Variants in PTPN21 observed in about 807,000 individuals in gnomAD.
PTPN21 encodes the protein tyrosine-protein phosphatase non-receptor type 21.
PTPN21 carries 77 observed loss-of-function variants against 131.8 expected under a neutral mutation model. That is an observed-to-expected ratio of 0.58 (90% CI 0.49 to 0.71). The LOEUF is 0.71. PTPN21 is among the 30% of genes least tolerant of loss of function. The probability of loss-of-function intolerance (pLI) is 0.00; values close to 1 mark genes in which losing one functional copy is unlikely to be tolerated. For missense variants in PTPN21, 1,552 were observed against 1,527.1 expected (o/e 1.02, Z -0.27); for synonymous variants, 715 against 621.3 (o/e 1.15, Z -2.24).
rs1355540333 is a variant in PTPN21, at chr14:88,469,245, C to T, written c.3236-169G>A. ...GGACAGTGTGACCCTGAGCAAGTCA[C>T]TACCTCTGTCCACTTTCTGATCTAC... On this transcript the variant is annotated intron_variant, in intron 17 of 18. Transcript: ENST00000556564. This position sits in a 1 kb window ranked among gnomAD's most constrained non-coding sequence, Gnocchi z 4.3. Among the ~76,000 whole-genome samples the T allele has an allele frequency of 6.6e-6, 1 of 152,178 alleles. No individual in the cohort carries two copies. Among genetic ancestry groups the T allele is most frequent in the Non-Finnish European group, 1.5e-5 (1 of 68,038 alleles).
chr14:88,477,164 TGTGTCC>T (rs150531683), intron 13 of PTPN21, among the ~76,000 whole-genome samples: 5,619 of 152,278 alleles, frequency 0.037, 347 homozygotes, highest in African/African-American at 0.13. Context: ...CTCTTAAATC[TGTGTCC>T]ACTGAAGGCA....
chr14:88,502,719 A>G (rs2078028765), intron 6 of PTPN21, among the ~76,000 whole-genome samples: 1 of 152,208 alleles, frequency 6.6e-6, no homozygotes, highest in South Asian at 2.1e-4. Flanking sequence ...TAGAAAAGAA[A>G]TGGTTCATGT....
chr14:88,477,240 C>T (rs2077559293), intron 13 of PTPN21, among the ~76,000 whole-genome samples: 1 of 150,520 alleles, frequency 6.6e-6, no homozygotes, highest in Non-Finnish European at 1.5e-5. Context: ...ATTTAAAAAT[C>T]AACTTAAAAT....
At chr14:88,500,369 G>GC (rs1189685377) in intron 8 of PTPN21, among the ~76,000 whole-genome samples, 1 of 152,218 alleles carries the variant, frequency 6.6e-6, no homozygotes, top group Non-Finnish European at 1.5e-5. Context: ...GGTCAAGGCT[G>GC]CAGTGAGTGG....
intron 12 of PTPN21, among the ~76,000 whole-genome samples, chr14:88,480,656 A>C (rs114832994): frequency 6.6e-6 from 1 of 152,154 alleles, no homozygotes; most frequent in Non-Finnish European, 1.5e-5. Flanking sequence ...GGGGAAGTTG[A>C]GGCAGAGATA....
At chr14:88,515,449 G>T (rs2078254187) in intron 3 of PTPN21, 2 of 152,034 alleles carry the variant, frequency 1.3e-5, no homozygotes, top group African/African-American at 2.4e-5. Context: ...GGTGATCTTT[G>T]TGAAATGTAA....
At position 88,480,190 on chromosome 14, in the gene PTPN21, G is replaced by C. The variant is rs368027125; in HGVS notation, c.1241C>G (p.Pro414Arg). Residue 414 changes from proline to arginine, a missense_variant, in exon 13 of 19, where the codon CCG (proline) becomes CGG (arginine). This residue lies in a region of PTPN21 where 1,016 missense variants were observed against 883.5 expected (regional missense o/e 1.15). Transcript: ENST00000556564. Reference protein sequence around the residue: ...NNPQPYLQPSPMSSNPSITGS... With the variant: ...NNPQPYLQPSRMSSNPSITGS... ...GGTGATGCTAGGGTTGGACGACATC[G>C]GCGAGGGCTGCAAGTAGGGCTGAGG... The C allele has an allele frequency of 1.9e-6, 3 of 1,614,156 alleles. No individual in the cohort carries two copies. Among genetic ancestry groups the C allele is most frequent in the Non-Finnish European group, 2.5e-6 (3 of 1,180,010 alleles).
intron 11 of PTPN21, among the ~76,000 whole-genome samples, chr14:88,485,418 G>A (rs2077717596): frequency 1.3e-5 from 2 of 151,976 alleles, no homozygotes; most frequent in Non-Finnish European, 2.9e-5. Context: ...AAAGCTAAGA[G>A]CAAGAAGCAA....
Position 88,469,467 on chromosome 14 carries a change from G to C in PTPN21, c.3235+32C>G, listed in dbSNP as rs777466942. On this transcript the variant is annotated intron_variant, in intron 17 of 18. Transcript: ENST00000556564. This position sits in a 1 kb window ranked among gnomAD's most constrained non-coding sequence, Gnocchi z 4.3. ...TCTCTGTTTAACACCTCCAGAGGCA[G>C]CTGTCCTCGGAACAAAGTTAAAGTC... 2 of 1,534,476 alleles carry C rather than the reference G, an allele frequency of 1.3e-6. No homozygotes were observed. The highest frequency in any genetic ancestry group is 1.4e-5 in the African/African-American group (1 of 73,236).
intron 2 of PTPN21, among the ~76,000 whole-genome samples, chr14:88,529,858 T>A (rs138232406): frequency 6.6e-6 from 1 of 152,098 alleles, no homozygotes; most frequent in African/African-American, 2.4e-5. Context: ...GGCAGGAACC[T>A]GTAATCCCAG....
At chr14:88,502,507 G>T (rs2078025517) in intron 6 of PTPN21, among the ~76,000 whole-genome samples, 1 of 152,090 alleles carries the variant, frequency 6.6e-6, no homozygotes, top group South Asian at 2.1e-4. Context: ...GGGTTGTCCT[G>T]CCAGCCCTCA....
chr14:88,523,551 C>A (rs1156958675), intron 2 of PTPN21, among the ~76,000 whole-genome samples: 2 of 152,090 alleles, frequency 1.3e-5, no homozygotes, highest in African/African-American at 4.8e-5. Context: ...GACAAGGATG[C>A]CCATGTTCAC....
intron 2 of PTPN21, among the ~76,000 whole-genome samples, chr14:88,542,552 T>C (rs2078721529): frequency 6.6e-6 from 1 of 152,200 alleles, no homozygotes; most frequent in Non-Finnish European, 1.5e-5. Flanking sequence ...GCCTTTAAGT[T>C]TATTAGGCAC....
At chr14:88,492,250 C>A (rs2077836417) in intron 10 of PTPN21, among the ~76,000 whole-genome samples, 1 of 152,188 alleles carries the variant, frequency 6.6e-6, no homozygotes, top group Admixed American at 6.5e-5. Flanking sequence ...TGTGGTCCAA[C>A]AGACTGCATT....
intron 2 of PTPN21, among the ~76,000 whole-genome samples, chr14:88,537,495 T>G (rs984289022): frequency 6.6e-6 from 1 of 152,172 alleles, no homozygotes; most frequent in African/African-American, 2.4e-5. Context: ...GAATACCTAC[T>G]ACATGTCAAT....
At chr14:88,553,768 T>C (rs1300312948) in intron 1 of PTPN21, among the ~76,000 whole-genome samples, 2 of 152,048 alleles carry the variant, frequency 1.3e-5, no homozygotes, top group African/African-American at 4.8e-5. Context: ...GTTCCTCAAA[T>C]ACACTTTACC....
At chr14:88,520,467 G>A (rs2078371694) in intron 2 of PTPN21, among the ~76,000 whole-genome samples, 1 of 151,624 alleles carries the variant, frequency 6.6e-6, no homozygotes, top group African/African-American at 2.4e-5. Context: ...GAAAATCCAA[G>A]CACATTGTAA....
At chr14:88,514,396 T>G (rs1006578018) in intron 3 of PTPN21, among the ~76,000 whole-genome samples, 4 of 152,178 alleles carry the variant, frequency 2.6e-5, no homozygotes, top group Admixed American at 2.6e-4. Context: ...TATGGTCATA[T>G]TTTTCTGTTA....
In PTPN21 at chr14:88,479,342, G is replaced by A. The variant is rs1164460654; in HGVS notation, c.2089C>T (p.His697Tyr). 3 of 1,613,400 alleles carry A rather than the reference G, an allele frequency of 1.9e-6. No homozygotes were observed. The East Asian group carries it at 6.7e-5, about 36-fold the overall frequency. ...PEEAEGLRYG[H>Y]KKSLSDATML... is the part of the protein sequence containing the mutation. ...GTGGCGTCCGACAGGGACTTCTTATGGCCGTACCTCAAGCCCTCCGCCTCC... is the reference window on the plus strand; with the variant it reads ...GTGGCGTCCGACAGGGACTTCTTATAGCCGTACCTCAAGCCCTCCGCCTCC... The change falls in exon 13 of 19, where the codon CAT becomes TAT. Residue 697 changes from histidine (H) to tyrosine (Y), a missense_variant. Physicochemically the swap from His to Tyr is moderately conservative, Grantham distance 83. Transcript: ENST00000556564.
Sources: gnomAD v4.1 joint callset for allele counts (sites outside exome capture counted in the v4.1 genomes callset) on GRCh38, gnomAD v4.1.1 for gene constraint, gnomAD v4.1.1 regional missense constraint, Gnocchi (gnomAD v3.1) non-coding constraint, MANE v1.5 for transcripts, NCBI Gene and HGNC (gene_info 2026-07-23, HGNC 2026-07-21) for gene names.